The following PDXK variants were observed in gnomAD, a reference collection of about 807,000 sequenced individuals.
The protein encoded by PDXK is pyridoxal kinase, also known as epididymis secretory sperm binding protein Li 1a.
PDXK carries 15 observed loss-of-function variants against 43.2 expected under a neutral mutation model. The observed-to-expected ratio is 0.35, with a 90% CI of 0.23 to 0.53. PDXK has a LOEUF of 0.53. PDXK is among the 20% of genes least tolerant of loss of function. PDXK has a pLI of 0.92. For missense variants in PDXK, 343 were observed against 417.0 expected (o/e 0.82, Z 1.54); for synonymous variants, 172 against 165.4 (o/e 1.04, Z -0.31).
intron 1 of PDXK, among the ~76,000 whole-genome samples, chr21:43,724,280 C>T (rs1238241598): frequency 3.3e-5 from 5 of 152,120 alleles, no homozygotes; most frequent in Non-Finnish European, 7.4e-5. Context: ...GGCTCCCTGC[C>T]CTGGAACCCT....
intron 4 of PDXK, among the ~76,000 whole-genome samples, chr21:43,745,419 CAAA>C (rs112185301): frequency 1.3e-4 from 13 of 99,868 alleles, no homozygotes; most frequent in Admixed American, 2.1e-4. Flanking sequence ...GACTCCATCT[CAAA>C]AAAAAAAAAA....
chr21:43,762,125 G>T lies in PDXK; in HGVS notation c.*6062G>T, dbSNP rs1462142945. On this transcript the variant is annotated 3_prime_UTR_variant, in exon 11 of 11. Coordinates refer to ENST00000291565, the MANE Select transcript of PDXK (RefSeq NM_003681.5). The stretch of plus-strand genomic sequence containing the variant: ...CGCCTCCGTGGTCCCCCTGCTGAGG[G>T]AGTGCGGCCTCTGCAAGGTTCGGGG... The T allele has an allele frequency of 6.5e-6, 1 of 153,372 alleles. No homozygotes were observed. Among genetic ancestry groups the T allele is most frequent in the Non-Finnish European group, 1.5e-5 (1 of 68,130 alleles). The allele number at this position is 153,372 out of a possible 1,614,324, so 9.5% of individuals were successfully genotyped here. A position where few individuals can be genotyped will look rare whatever the true frequency, so the allele number is the denominator to read the frequency against.
chr21:43,752,396 T>G, intron 7 of PDXK, 122 bp from the exon 8 acceptor site: 2 of 662,556 alleles, frequency 3.0e-6, no homozygotes, highest in East Asian at 2.8e-5. Context: ...GGGAGTGGGG[T>G]GTGACCGGCC....
chr21:43,726,277 T>C (rs973875784), intron 1 of PDXK, among the ~76,000 whole-genome samples: 4 of 143,192 alleles, frequency 2.8e-5, no homozygotes, highest in East Asian at 2.0e-4. Context: ...TTTCTTTTTT[T>C]TTTTTTTTTT....
At chr21:43,738,508 A>G (rs914169682) in intron 2 of PDXK, 1 of 152,254 alleles carries the variant, frequency 6.6e-6, no homozygotes, top group African/African-American at 2.4e-5. Context: ...TGGGACAATA[A>G]GTTGTGGAAA....
intron 3 of PDXK, among the ~76,000 whole-genome samples, chr21:43,742,153 A>C (rs934766310): frequency 6.6e-6 from 1 of 152,194 alleles, no homozygotes; most frequent in Non-Finnish European, 1.5e-5. Context: ...TTCTGGTTAA[A>C]AAAAAATTGT....
intron 7 of PDXK, among the ~76,000 whole-genome samples, chr21:43,750,969 T>C (rs1410882415): frequency 6.6e-6 from 1 of 151,538 alleles, no homozygotes; most frequent in Non-Finnish European, 1.5e-5. Context: ...TGCATGTGTG[T>C]GTGTGTGTGT....
In PDXK at chr21:43,756,011, G is replaced by A. The variant is rs1326659997; in HGVS notation, c.887G>A (p.Ser296Asn). The part of the protein sequence containing the change: ...PMQLELRMVQ[S>N]KRDIEDPEIV... ...CAGCTGGAGCTGCGGATGGTGCAGA[G>A]CAAAAGGGACATCGAGGACCCAGAG... Residue 296 changes from serine to asparagine, a missense_variant, in exon 11 of 11, where the codon AGC becomes AAC. Physicochemically the swap from Ser to Asn is conservative, Grantham distance 46. Coordinates refer to ENST00000291565, the MANE Select transcript of PDXK (RefSeq NM_003681.5). The A allele has an allele frequency of 6.2e-7, 1 of 1,613,440 alleles. No homozygotes were observed. The highest frequency in any genetic ancestry group is 8.5e-7 in the Non-Finnish European group (1 of 1,179,786).
intron 2 of PDXK, among the ~76,000 whole-genome samples, chr21:43,736,629 GTTT>G (rs34234452): frequency 9.3e-5 from 11 of 118,610 alleles, no homozygotes; most frequent in African/African-American, 3.0e-4. Context: ...TCCTTTTTCT[GTTT>G]TTTTTTTTTT....
chr21:43,724,703 A>C (rs1189800656), intron 1 of PDXK, among the ~76,000 whole-genome samples: 2 of 151,610 alleles, frequency 1.3e-5, no homozygotes, highest in Non-Finnish European at 2.9e-5. Context: ...AAAGCTGGCT[A>C]TGTGACTCAC....
rs758926438 is a variant in PDXK at position 43,756,054 on chromosome 21, G to A, written c.930G>A (p.Thr310=). The change falls in exon 11 of 11, where the codon ACG becomes ACA. Residue 310 remains threonine (T), a synonymous_variant. Transcript: ENST00000291565. ...IEDPEIVVQA[T]VL ...ACCCAGAGATCGTCGTCCAGGCCAC[G>A]GTGCTGTGAGGGCCCCGCCGCTTGC... 20 of 1,598,606 alleles carry A rather than the reference G, an allele frequency of 1.3e-5. No individual in the cohort carries two copies. Among genetic ancestry groups the A allele is most frequent in the Admixed American group, 1.2e-4 (7 of 59,530 alleles).
intron 3 of PDXK, 72 bp from the exon 4 acceptor site, chr21:43,743,652 C>G (rs2083585954): frequency 2.7e-6 from 3 of 1,105,236 alleles, no homozygotes; most frequent in African/African-American, 1.5e-5. Context: ...TGGTGCTTCT[C>G]TTTCTTTGTG....
chr21:43,730,154 A>G (rs1366796617), intron 1 of PDXK, among the ~76,000 whole-genome samples: 1 of 151,958 alleles, frequency 6.6e-6, no homozygotes, highest in Non-Finnish European at 1.5e-5. Flanking sequence ...AATTTTTTTG[A>G]GGCAGAGTCT....
chr21:43,753,662 G>T lies in PDXK; in HGVS notation c.702G>T (p.Gly234=), dbSNP rs2083795383. 1 of 1,613,618 alleles carries T rather than the reference G, an allele frequency of 6.2e-7. No homozygotes were observed. The highest frequency in any genetic ancestry group is 8.5e-7 in the Non-Finnish European group (1 of 1,179,808). ...RKVDAVFVGT[G]DLFAAMLLAW... ...TGGACGCCGTCTTTGTGGGCACTGG[G>T]GACCTGTTTGCTGCCATGCTCCTGG... Residue 234 remains glycine, a synonymous_variant, in exon 9 of 11, where the codon GGG becomes GGT. Transcript: ENST00000291565.
chr21:43,756,083 T>C lies in PDXK; in HGVS notation c.*20T>C, dbSNP rs761218321. 1 of 1,409,280 alleles carries C rather than the reference T, an allele frequency of 7.1e-7. No homozygotes were observed. The highest frequency in any genetic ancestry group is 1.0e-6 in the Non-Finnish European group (1 of 1,000,622). 87.3% of individuals were successfully genotyped at this position (1,409,280 alleles called of 1,614,324 possible). ...CTGTGAGGGCCCCGCCGCTTGCCCG[T>C]GACACGCAGCGCGTTGGTGTCTCCG... On this transcript the variant is annotated 3_prime_UTR_variant, in exon 11 of 11. Coordinates refer to ENST00000291565, the MANE Select transcript of PDXK (RefSeq NM_003681.5).
At chr21:43,744,969 G>A (rs764384100) in intron 4 of PDXK, among the ~76,000 whole-genome samples, 5 of 152,206 alleles carry the variant, frequency 3.3e-5, no homozygotes, top group Non-Finnish European at 7.3e-5. Flanking sequence ...TGTGGATGGC[G>A]CTTGAGGACA....
chr21:43,720,038 A>G lies in PDXK; in HGVS notation c.87+657A>G, dbSNP rs1384501626. 4 of 639,030 alleles carry G rather than the reference A, an allele frequency of 6.3e-6. No individual in the cohort carries two copies. The South Asian group carries it at 2.7e-4, about 44-fold the overall frequency. 39.6% of individuals were successfully genotyped at this position (639,030 alleles called of 1,614,324 possible). On this transcript the variant is annotated intron_variant, in intron 1 of 10. Transcript: ENST00000291565. The stretch of plus-strand genomic sequence containing the variant: ...GTTTGCTCTGACGAGGAGAAGCCCC[A>G]GAGAGCAGTTCGGGACTGTGCGGAT...
chr21:43,746,007 G>C, intron 4 of PDXK, 72 bp from the exon 5 acceptor site: 1 of 1,217,658 alleles, frequency 8.2e-7, no homozygotes, highest in Non-Finnish European at 1.2e-6. Flanking sequence ...AAAAAAAGAA[G>C]AAAGAAATGT....
At chr21:43,736,216 C>G (rs2083398938) in intron 2 of PDXK, among the ~76,000 whole-genome samples, 1 of 152,198 alleles carries the variant, frequency 6.6e-6, no homozygotes, top group Non-Finnish European at 1.5e-5. Flanking sequence ...TTTTACTGGT[C>G]CTGATTATGC....
Sources: gnomAD v4.1 joint callset for allele counts (sites outside exome capture counted in the v4.1 genomes callset) on GRCh38, gnomAD v4.1.1 for gene constraint, MANE v1.5 for transcripts, NCBI Gene and HGNC (gene_info 2026-07-23, HGNC 2026-07-21) for gene names.